The following HCN1 variants were observed in gnomAD, a reference collection of about 807,000 sequenced individuals.
HCN1 encodes hyperpolarization activated cyclic nucleotide gated potassium channel 1, also known as potassium/sodium hyperpolarization-activated cyclic nucleotide-gated channel 1.
In HCN1, 13 loss-of-function variants were observed where a neutral mutation model predicts 78.9. The ratio of observed to expected loss-of-function variants is 0.16; its 90% confidence interval spans 0.11 to 0.26. The LOEUF is 0.26. Among genes scored for constraint, HCN1 ranks in the 10% least tolerant of loss-of-function variants. The probability of loss-of-function intolerance (pLI) is 1.00; values close to 1 mark genes in which losing one functional copy is unlikely to be tolerated. For synonymous variants in HCN1, 552 were observed against 455.5 expected, an observed-to-expected ratio of 1.21 and a Z score of -2.70; for missense variants, 810 against 1,154.3, an observed-to-expected ratio of 0.70 and a Z score of 4.32.
chr5:45,515,358 A>C (rs1269792152), intron 2 of HCN1, among the ~76,000 whole-genome samples: 1 of 152,060 alleles, frequency 6.6e-6, no homozygotes, highest in African/African-American at 2.4e-5. Flanking sequence ...ACCCAAAAGC[A>C]TCAATAAAGT....
intron 4 of HCN1, among the ~76,000 whole-genome samples, chr5:45,356,980 C>T (rs1561122161): frequency 1.3e-5 from 2 of 152,110 alleles, no homozygotes; most frequent in East Asian, 3.9e-4. Context: ...ATTTGTTAAT[C>T]CTGCAATTGC....
chr5:45,630,026 C>T (rs1041298250), intron 2 of HCN1, among the ~76,000 whole-genome samples: 1 of 152,070 alleles, frequency 6.6e-6, no homozygotes, highest in Non-Finnish European at 1.5e-5. Flanking sequence ...AGGGAGTCCC[C>T]CAGGGTAAGT....
At chr5:45,275,523 C>T (rs1045761714) in intron 6 of HCN1, among the ~76,000 whole-genome samples, 2 of 152,152 alleles carry the variant, frequency 1.3e-5, no homozygotes, top group African/African-American at 4.8e-5. Flanking sequence ...TACTCCTTAA[C>T]TTCTCTCCCT....
chr5:45,630,015 G>A (rs1278819129), intron 2 of HCN1, among the ~76,000 whole-genome samples: 1 of 152,192 alleles, frequency 6.6e-6, no homozygotes, highest in Non-Finnish European at 1.5e-5. Flanking sequence ...AGGCTGCTCT[G>A]AGGGAGTCCC....
rs1746169307 is a variant in HCN1 at position 45,323,542 on chromosome 5, G to A, written c.1378-19703C>T. Reference sequence around the variant, plus strand: ...GAAAGAATTCAACAAGACAAACATAGAGTAAAATTTTTCTTTTTTTTCATT... The same window carrying A: ...GAAAGAATTCAACAAGACAAACATAAAGTAAAATTTTTCTTTTTTTTCATT... On this transcript the variant is annotated intron_variant, in intron 5 of 7. Coordinates refer to ENST00000303230, the MANE Select transcript of HCN1 (RefSeq NM_021072.4). Among the ~76,000 whole-genome samples, 2 of 151,474 alleles carry A rather than the reference G, an allele frequency of 1.3e-5. 1 individual carries two copies. The highest frequency in any genetic ancestry group is 4.2e-4 in the South Asian group (2 of 4,812).
chr5:45,669,494 C>T (rs571523906), intron 1 of HCN1, among the ~76,000 whole-genome samples: 2 of 151,726 alleles, frequency 1.3e-5, no homozygotes, highest in African/African-American at 4.8e-5. Flanking sequence ...GAAGTGATGC[C>T]AGGACCAAGG....
rs1367658764 is a variant in HCN1 at position 45,578,571 on chromosome 5, T to C, written c.849+66614A>G. On this transcript the variant is annotated intron_variant, in intron 2 of 7. Transcript: ENST00000303230. ...ACTGTCTTTAAGCCAATTTTAGAGA[T>C]TGCATGACTCCTGAATCATCATAGC... Among the ~76,000 whole-genome samples the C allele has an allele frequency of 2.6e-5, 4 of 152,002 alleles. 1 individual carries two copies.
chr5:45,634,886 C>A (rs968289169), intron 2 of HCN1, among the ~76,000 whole-genome samples: 2 of 152,038 alleles, frequency 1.3e-5, no homozygotes, highest in African/African-American at 4.8e-5. Flanking sequence ...TCCTTAGTAT[C>A]ATCCAAAATG....
chr5:45,493,171 T>C (rs1195670505), intron 2 of HCN1, among the ~76,000 whole-genome samples: 1 of 152,134 alleles, frequency 6.6e-6, no homozygotes, highest in African/African-American at 2.4e-5. Context: ...GCAGCTCAAC[T>C]GATTCTGGAT....
intron 2 of HCN1, among the ~76,000 whole-genome samples, chr5:45,624,348 T>A (rs1745122695): frequency 6.6e-6 from 1 of 152,108 alleles, no homozygotes; most frequent in African/African-American, 2.4e-5. Context: ...TGGTTAGAAG[T>A]GGTCAGACTC....
Position 45,639,871 on chromosome 5 carries a change from G to GCC in HCN1, c.849+5313_849+5314insGG, listed in dbSNP as rs1745420531. On this transcript the variant is annotated intron_variant, in intron 2 of 7. Coordinates refer to ENST00000303230, the MANE Select transcript of HCN1 (RefSeq NM_021072.4). ...AAAATGTAAATCCCCTGCCTAAAAT[G>GCC]TATCAATGGCACCTTTTGATTAAGT... 2.0e-4 allele frequency among the ~76,000 whole-genome samples: 30 copies of GCC among 152,070 alleles called. 1 individual carries two copies. Among genetic ancestry groups the GCC allele is most frequent in the Admixed American group, 2.0e-3 (30 of 15,246 alleles).
intron 2 of HCN1, among the ~76,000 whole-genome samples, chr5:45,497,292 G>C (rs1379819307): frequency 6.6e-6 from 1 of 152,124 alleles, no homozygotes; most frequent in Non-Finnish European, 1.5e-5. Flanking sequence ...GTCTAATGTT[G>C]ACAGTGGGGT....
intron 2 of HCN1, among the ~76,000 whole-genome samples, chr5:45,612,169 T>G (rs1268321555): frequency 1.3e-5 from 2 of 152,192 alleles, no homozygotes; most frequent in African/African-American, 4.8e-5. Context: ...TCTGGAGTCT[T>G]GATTTAATTT....
At chr5:45,537,988 A>C (rs1743006023) in intron 2 of HCN1, among the ~76,000 whole-genome samples, 2 of 151,928 alleles carry the variant, frequency 1.3e-5, no homozygotes, top group Admixed American at 1.3e-4. Flanking sequence ...TTATTGATTT[A>C]ACAGTCCTAG....
At chr5:45,501,587 C>A (rs1268319426) in intron 2 of HCN1, among the ~76,000 whole-genome samples, 1 of 152,026 alleles carries the variant, frequency 6.6e-6, no homozygotes, top group African/African-American at 2.4e-5. Flanking sequence ...ACTACAGGCA[C>A]CCGCCACCAC....
chr5:45,529,175 G>T (rs1372878428), intron 2 of HCN1, among the ~76,000 whole-genome samples: 1 of 151,830 alleles, frequency 6.6e-6, no homozygotes, highest in Admixed American at 6.6e-5. Context: ...TTTTTATCTG[G>T]TTCAATGCAT....
rs372680488 is a variant in HCN1, at chr5:45,315,510, A to G, written c.1378-11671T>C. On this transcript the variant is annotated intron_variant, in intron 5 of 7. Coordinates refer to ENST00000303230, the MANE Select transcript of HCN1 (RefSeq NM_021072.4). ...TAACATCACAATTAAAAGAACTAGA[A>G]AAGCAAGAGCAAACACATTCAAAAG... Among the ~76,000 whole-genome samples the G allele has an allele frequency of 1.2e-4, 19 of 152,196 alleles. No homozygotes were observed. In the South Asian group the frequency reaches 3.7e-3, roughly 30 times the overall value.
At chr5:45,596,524 G>A (rs1218355034) in intron 2 of HCN1, among the ~76,000 whole-genome samples, 1 of 152,118 alleles carries the variant, frequency 6.6e-6, no homozygotes, top group African/African-American at 2.4e-5. Flanking sequence ...TCATGCACAG[G>A]GAGAAAGGCA....
chr5:45,422,883 G>A (rs1739608142), intron 3 of HCN1, among the ~76,000 whole-genome samples: 1 of 152,148 alleles, frequency 6.6e-6, no homozygotes, highest in Non-Finnish European at 1.5e-5. Flanking sequence ...AGACTGAGAA[G>A]GGTAGTAGGG....
Sources: gnomAD v4.1 joint callset for allele counts (sites outside exome capture counted in the v4.1 genomes callset) on GRCh38, gnomAD v4.1.1 for gene constraint, MANE v1.5 for transcripts, NCBI Gene and HGNC (gene_info 2026-07-23, HGNC 2026-07-21) for gene names.